PRKG1: variants seen among roughly 807,000 people sequenced by gnomAD.
PRKG1 encodes the protein cGMP-dependent protein kinase 1.
Under a neutral mutation model 88.1 loss-of-function variants are expected in PRKG1, and 35 were observed. The ratio of observed to expected loss-of-function variants is 0.40; its 90% CI spans 0.30 to 0.53. PRKG1 has a LOEUF of 0.53. Ranked by LOEUF, PRKG1 falls within the 20% of genes least tolerant of loss-of-function variation. The pLI is 0.59. For missense variants in PRKG1, 540 were observed against 839.8 expected (o/e 0.64, Z 4.41); for synonymous variants, 303 against 292.5 (o/e 1.04, Z -0.37).
At chr10:51,274,919 A>G (rs1028523364) in intron 2 of PRKG1, among the ~76,000 whole-genome samples, 1 of 152,202 alleles carries the variant, frequency 6.6e-6, no homozygotes, top group Non-Finnish European at 1.5e-5. Context: ...CACAACAAGC[A>G]ATGCTGTGAG....
chr10:51,316,435 G>A (rs930298929), intron 2 of PRKG1, among the ~76,000 whole-genome samples: 6 of 152,308 alleles, frequency 3.9e-5, no homozygotes, highest in Non-Finnish European at 1.5e-5. Flanking sequence ...TGTAATTCCA[G>A]CACTTTGGGA....
At chr10:51,323,204 CGATAT>C (rs1457961473) in intron 2 of PRKG1, among the ~76,000 whole-genome samples, 1 of 152,050 alleles carries the variant, frequency 6.6e-6, no homozygotes, top group Non-Finnish European at 1.5e-5. Context: ...AATATTGCTA[CGATAT>C]GATATATTTA....
intron 5 of PRKG1, among the ~76,000 whole-genome samples, chr10:51,977,714 T>A (rs1843882709): frequency 6.6e-6 from 1 of 152,150 alleles, no homozygotes; most frequent in Non-Finnish European, 1.5e-5. Context: ...ATTTCTCTAG[T>A]GATCAGTGAT....
At chr10:51,068,739 A>ACC (rs1843785156) in intron 1 of PRKG1, among the ~76,000 whole-genome samples, 1 of 151,982 alleles carries the variant, frequency 6.6e-6, no homozygotes, top group South Asian at 2.1e-4. Context: ...TTGATGATTT[A>ACC]CCTTAGTAAA....
At chr10:51,287,250 C>G (rs1481600152) in intron 2 of PRKG1, among the ~76,000 whole-genome samples, 2 of 152,140 alleles carry the variant, frequency 1.3e-5, no homozygotes, top group African/African-American at 4.8e-5. Context: ...TTCATTTGCT[C>G]AGGTTTGTAG....
rs58176913 is a variant in PRKG1 at position 51,205,127 on chromosome 10, C to CTTTTTTTTTTTTT, written c.478+51815_478+51827dup. On this transcript the variant is annotated intron_variant, in intron 2 of 17. Coordinates refer to ENST00000373980, the MANE Select transcript of PRKG1 (RefSeq NM_006258.4). ...TAAGGAAGAATTTTCATTTTCTTTT[C>CTTTTTTTTTTTTT]TTTTTTTTTTTTTTTTTTTTTTTTT... is the stretch of plus-strand genomic sequence containing the variant. Among the ~76,000 whole-genome samples, 89 of 63,996 alleles carry CTTTTTTTTTTTTT rather than the reference C, an allele frequency of 1.4e-3. 5 individuals are homozygous for CTTTTTTTTTTTTT. Among genetic ancestry groups the CTTTTTTTTTTTTT allele is most frequent in the Non-Finnish European group, 1.8e-3 (61 of 33,234 alleles). The allele number at this position is 63,996 out of a possible 152,430, so 42.0% of individuals were successfully genotyped here. A position where few individuals can be genotyped will look rare whatever the true frequency, so the allele number is the denominator to read the frequency against.
chr10:51,229,398 C>T (rs189649943), intron 2 of PRKG1, among the ~76,000 whole-genome samples: 1 of 152,300 alleles, frequency 6.6e-6, no homozygotes, highest in East Asian at 1.9e-4. Context: ...CAGTACCAAA[C>T]TGACTACTTC....
intron 2 of PRKG1, among the ~76,000 whole-genome samples, chr10:51,331,061 A>T (rs759532144): frequency 1.3e-5 from 2 of 152,106 alleles, no homozygotes; most frequent in African/African-American, 2.4e-5. Flanking sequence ...TGTGGCTAGC[A>T]TGGTGCTTCA....
rs143784835 is a variant in PRKG1, at chr10:51,689,902, C to T, written c.593-114683C>T. ...TGAGTAAGGGGCCAACGGTAGTGTG[C>T]GACATTGGTATACTTAAGGCTTGTA... is the stretch of plus-strand genomic sequence containing the variant. On this transcript the variant is annotated intron_variant, in intron 3 of 17. Transcript: ENST00000373980. Among the ~76,000 whole-genome samples the T allele has an allele frequency of 2.5e-4, 38 of 152,196 alleles. No homozygotes were observed. The East Asian group carries it at 3.1e-3, about 12-fold the overall frequency.
chr10:51,894,955 A>T (rs546441950), intron 4 of PRKG1, among the ~76,000 whole-genome samples: 73 of 152,302 alleles, frequency 4.8e-4, no homozygotes, highest in African/African-American at 1.8e-3. Context: ...TATCTGTTAC[A>T]CATGCTGCTA....
At chr10:51,968,523 T>C (rs1454635705) in intron 5 of PRKG1, among the ~76,000 whole-genome samples, 1 of 151,970 alleles carries the variant, frequency 6.6e-6, no homozygotes, top group Non-Finnish European at 1.5e-5. Context: ...ATGGTATTAA[T>C]AATAATAGTA....
At chr10:51,380,379 C>G (rs952129243) in intron 2 of PRKG1, among the ~76,000 whole-genome samples, 2 of 152,088 alleles carry the variant, frequency 1.3e-5, no homozygotes, top group Non-Finnish European at 2.9e-5. Context: ...GCCAGAACAC[C>G]GTTGCCTCCC....
Position 51,094,290 on chromosome 10 carries a change from C to T in PRKG1, c.311+19389C>T, listed in dbSNP as rs573334645. ...AACAGTTCTTTGCACTCAGTCTGTA[C>T]GTGAAGATAGATGAACATAACAATT... On this transcript the variant is annotated intron_variant, in intron 1 of 17. Coordinates refer to ENST00000373980, the MANE Select transcript of PRKG1 (RefSeq NM_006258.4). 8.6e-5 allele frequency among the ~76,000 whole-genome samples: 13 copies of T among 151,774 alleles called. No homozygotes were observed. In the East Asian group the frequency reaches 1.7e-3, roughly 20 times the overall value.
intron 3 of PRKG1, among the ~76,000 whole-genome samples, chr10:51,728,701 T>A (rs1473251065): frequency 6.6e-6 from 1 of 152,036 alleles, no homozygotes; most frequent in Non-Finnish European, 1.5e-5. Context: ...AAATAAAAGG[T>A]CGGAGTGCTA....
intron 3 of PRKG1, among the ~76,000 whole-genome samples, chr10:51,774,022 T>C (rs943731981): frequency 1.3e-5 from 2 of 152,142 alleles, no homozygotes; most frequent in African/African-American, 2.4e-5. Flanking sequence ...GCTGTTAATA[T>C]GTGCAAGACA....
chr10:51,768,016 AAAAT>A (rs1283967405), intron 3 of PRKG1, among the ~76,000 whole-genome samples: 1 of 148,154 alleles, frequency 6.7e-6, no homozygotes, highest in Non-Finnish European at 1.5e-5. Context: ...AATTAAAAAA[AAAAT>A]AAATAAATAA....
intron 5 of PRKG1, among the ~76,000 whole-genome samples, chr10:51,982,461 T>G (rs1844034465): frequency 6.6e-6 from 1 of 152,218 alleles, no homozygotes; most frequent in South Asian, 2.1e-4. Flanking sequence ...CTTCATGCTT[T>G]GAAGTCGCTG....
chr10:51,045,669 C>T (rs1378951252), intron 1 of PRKG1, among the ~76,000 whole-genome samples: 2 of 152,168 alleles, frequency 1.3e-5, no homozygotes, highest in African/African-American at 4.8e-5. Flanking sequence ...TGCACATGTA[C>T]ATTTCCACAA....
At chr10:51,701,145 A>T (rs1841455429) in intron 3 of PRKG1, among the ~76,000 whole-genome samples, 1 of 152,218 alleles carries the variant, frequency 6.6e-6, no homozygotes, top group Non-Finnish European at 1.5e-5. Context: ...ACTTTTTTAA[A>T]TGTGGCTATT....
Sources: gnomAD v4.1 joint callset for allele counts (sites outside exome capture counted in the v4.1 genomes callset) on GRCh38, gnomAD v4.1.1 for gene constraint, MANE v1.5 for transcripts, NCBI Gene and HGNC (gene_info 2026-07-23, HGNC 2026-07-21) for gene names.